The following DLG2 variants were observed in gnomAD, a reference collection of about 807,000 sequenced individuals.
DLG2 encodes the protein disks large homolog 2.
In DLG2, 45 loss-of-function variants were observed where a neutral mutation model predicts 132.5. The observed-to-expected ratio is 0.34, with a 90% CI of 0.27 to 0.44. DLG2 has a LOEUF of 0.44. Among genes scored for constraint, DLG2 ranks in the 20% least tolerant of loss-of-function variants. DLG2 has a pLI of 1.00. For synonymous variants in DLG2, 424 were observed against 419.6 expected (o/e 1.01, Z -0.13); for missense variants, 1,045 against 1,196.9 (o/e 0.87, Z 1.87).
At chr11:85,607,939 T>C (rs181551299) in intron 2 of DLG2, among the ~76,000 whole-genome samples, 4 of 152,180 alleles carry the variant, frequency 2.6e-5, no homozygotes, top group Admixed American at 1.3e-4. Context: ...CTCTAACAAG[T>C]TTTCGACAAT....
intron 3 of DLG2, among the ~76,000 whole-genome samples, chr11:85,506,075 T>A (rs1565603221): frequency 6.6e-6 from 1 of 152,222 alleles, no homozygotes; most frequent in Admixed American, 6.5e-5. Context: ...ATCCCCTTTA[T>A]CATTTTTTAT....
chr11:85,483,365 T>G (rs1437414284), intron 3 of DLG2, among the ~76,000 whole-genome samples: 1 of 152,188 alleles, frequency 6.6e-6, no homozygotes, highest in Admixed American at 6.6e-5. Context: ...CTAAGAATAC[T>G]GTATCTAGCA....
At chr11:85,168,389 A>C (rs2078612413) in intron 4 of DLG2, among the ~76,000 whole-genome samples, 1 of 152,168 alleles carries the variant, frequency 6.6e-6, no homozygotes, top group African/African-American at 2.4e-5. Context: ...CAAGTATATA[A>C]GCAGATAATT....
chr11:84,258,478 C>A (rs1162626420), intron 7 of DLG2, among the ~76,000 whole-genome samples: 1 of 151,854 alleles, frequency 6.6e-6, no homozygotes, highest in East Asian at 1.9e-4. Flanking sequence ...ATATAAGGTG[C>A]TTATTATGTT....
rs547657892 is a variant in DLG2, at chr11:84,147,815, T to C, written c.624+15646A>G. ...TTTGCCTTTTGATATAGTCAAATAA[T>C]CATAGCCTAAAGTTATACAAACAAT... On this transcript the variant is annotated intron_variant, in intron 9 of 27. Transcript: ENST00000376104. Among the ~76,000 whole-genome samples the C allele has an allele frequency of 9.9e-5, 15 of 152,220 alleles. No homozygotes were observed. The South Asian group carries it at 3.1e-3, about 32-fold the overall frequency.
At chr11:84,262,195 C>A (rs898188683) in intron 7 of DLG2, among the ~76,000 whole-genome samples, 3 of 152,106 alleles carry the variant, frequency 2.0e-5, no homozygotes, top group Non-Finnish European at 4.4e-5. Context: ...CCAGATGGAG[C>A]CAAGGCTCAC....
intron 6 of DLG2, among the ~76,000 whole-genome samples, chr11:85,061,980 G>A (rs1257451208): frequency 6.6e-6 from 1 of 151,666 alleles, no homozygotes; most frequent in African/African-American, 2.4e-5. Context: ...CACTCGCATG[G>A]CTCAGTTGAA....
chr11:84,669,767 T>C (rs1042041672), intron 6 of DLG2, among the ~76,000 whole-genome samples: 2 of 152,186 alleles, frequency 1.3e-5, no homozygotes, highest in African/African-American at 2.4e-5. Context: ...GAAGAAGTGA[T>C]ACACTTCATT....
At chr11:83,950,941 G>A (rs2085264598) in intron 14 of DLG2, among the ~76,000 whole-genome samples, 1 of 151,772 alleles carries the variant, frequency 6.6e-6, no homozygotes, top group South Asian at 2.1e-4. Context: ...CTTCCACTTT[G>A]CTGTCTTTTT....
At chr11:85,487,125 T>A (rs1597826817) in intron 3 of DLG2, among the ~76,000 whole-genome samples, 1 of 150,998 alleles carries the variant, frequency 6.6e-6, no homozygotes, top group East Asian at 1.9e-4. Flanking sequence ...CAACAATGTA[T>A]ATACAAGATA....
At chr11:83,668,824 TA>T (rs1566434686) in intron 18 of DLG2, among the ~76,000 whole-genome samples, 1 of 135,536 alleles carries the variant, frequency 7.4e-6, no homozygotes, top group Non-Finnish European at 1.6e-5. Context: ...TATAAACATA[TA>T]TATGTGTATA....
chr11:84,269,272 T>C (rs1490778833), intron 7 of DLG2, among the ~76,000 whole-genome samples: 1 of 152,234 alleles, frequency 6.6e-6, no homozygotes, highest in African/African-American at 2.4e-5. Context: ...GTTCCAGGCA[T>C]ATCGTAATTT....
intron 6 of DLG2, among the ~76,000 whole-genome samples, chr11:84,927,658 C>T (rs2047556382): frequency 6.6e-6 from 1 of 151,936 alleles, no homozygotes; most frequent in Non-Finnish European, 1.5e-5. Flanking sequence ...ATAGTGTGTT[C>T]CAATAAAACT....
chr11:84,059,396 A>G lies in DLG2; in HGVS notation c.838T>C (p.Ser280Pro). The G allele has an allele frequency of 1.2e-6, 2 of 1,613,440 alleles. No homozygotes were observed. Among genetic ancestry groups the G allele is most frequent in the Non-Finnish European group, 1.7e-6 (2 of 1,179,734 alleles). The change falls in exon 11 of 28, where the codon TCT (serine) becomes CCT (proline). Residue 280 changes from serine to proline, a missense_variant. By Grantham distance (74) the Ser-to-Pro change is moderately conservative. Transcript: ENST00000376104. ...KAVEALKEAG[S>P]IVRLYVRRRR... ...CTACGCACATACAGCCGAACGATAG[A>G]CCCTGCTTCCTTCAGGGCTTCCACC...
intron 8 of DLG2, among the ~76,000 whole-genome samples, chr11:84,220,622 A>T (rs1419937359): frequency 6.6e-6 from 1 of 152,154 alleles, no homozygotes; most frequent in African/African-American, 2.4e-5. Flanking sequence ...TTACACACTT[A>T]AGAAGGTTTC....
intron 2 of DLG2, among the ~76,000 whole-genome samples, chr11:85,615,757 G>A (rs2081289985): frequency 6.6e-6 from 1 of 151,694 alleles, no homozygotes; most frequent in South Asian, 2.1e-4. Context: ...GTTATAACCT[G>A]TTTTTTTTAA....
chr11:84,217,424 G>A (rs1457848840), intron 8 of DLG2, among the ~76,000 whole-genome samples: 1 of 152,132 alleles, frequency 6.6e-6, no homozygotes, highest in Admixed American at 6.5e-5. Context: ...TCTCTTGTCT[G>A]CCGCCAAGTG....
intron 15 of DLG2, among the ~76,000 whole-genome samples, chr11:83,899,994 G>A (rs1325502466): frequency 6.6e-6 from 1 of 152,172 alleles, no homozygotes; most frequent in Non-Finnish European, 1.5e-5. Flanking sequence ...CCAGGCTGAG[G>A]TGGTCTCAGA....
chr11:83,686,438 TGTTC>T (rs1309685647), intron 18 of DLG2, among the ~76,000 whole-genome samples: 2 of 152,140 alleles, frequency 1.3e-5, no homozygotes, highest in South Asian at 2.1e-4. Context: ...TATAGTTCTT[TGTTC>T]ATTTCTTTAC....
Sources: allele counts gnomAD v4.1 joint callset (sites outside exome capture counted in the v4.1 genomes callset), GRCh38; gene constraint gnomAD v4.1.1; transcripts MANE v1.5; gene names NCBI Gene and HGNC (gene_info 2026-07-23, HGNC 2026-07-21).